The following CBLB variants were observed in gnomAD, a reference collection of about 807,000 sequenced individuals.
CBLB encodes the protein E3 ubiquitin-protein ligase CBL-B.
CBLB carries 31 observed loss-of-function variants against 104.9 expected under a neutral mutation model. That is an observed-to-expected ratio of 0.30 (90% confidence interval 0.22 to 0.40). CBLB has a LOEUF of 0.40. Among genes scored for constraint, CBLB ranks in the 10% least tolerant of loss-of-function variants. CBLB has a pLI of 1.00. For synonymous variants in CBLB, 440 were observed against 422.6 expected (o/e 1.04, Z -0.51); for missense variants, 1,062 against 1,214.6 (o/e 0.87, Z 1.87).
chr3:105,782,031 C>A (rs1466665636), intron 3 of CBLB, among the ~76,000 whole-genome samples: 1 of 152,150 alleles, frequency 6.6e-6, no homozygotes, highest in Non-Finnish European at 1.5e-5. Flanking sequence ...CAGAGACTTA[C>A]TTCACACTGT....
intron 10 of CBLB, among the ~76,000 whole-genome samples, 174 bp downstream of exon 10, chr3:105,719,873 T>C (rs1018338521): frequency 2.6e-5 from 4 of 152,076 alleles, no homozygotes; most frequent in African/African-American, 9.7e-5. Flanking sequence ...GGACAAGATG[T>C]GGAGGTAGAA....
intron 7 of CBLB, among the ~76,000 whole-genome samples, chr3:105,737,673 G>C (rs572654957): frequency 7.2e-5 from 11 of 152,144 alleles, no homozygotes; most frequent in African/African-American, 2.6e-4. Context: ...ATACCACATG[G>C]AAAGAAAAAT....
At chr3:105,820,906 T>C in intron 3 of CBLB, among the ~76,000 whole-genome samples, 1 of 152,150 alleles carries the variant, frequency 6.6e-6, no homozygotes, top group Non-Finnish European at 1.5e-5. Flanking sequence ...TTACTCAAAA[T>C]TTTAGTTTTA....
At chr3:105,662,067 G>T (rs16851417) in intron 18 of CBLB, among the ~76,000 whole-genome samples, 2 of 152,146 alleles carry the variant, frequency 1.3e-5, no homozygotes, top group Non-Finnish European at 2.9e-5. Context: ...GCAAGATCTG[G>T]TGCAACCTGA....
intron 7 of CBLB, among the ~76,000 whole-genome samples, chr3:105,740,163 G>A (rs565816935): frequency 6.6e-6 from 1 of 151,986 alleles, no homozygotes; most frequent in Non-Finnish European, 1.5e-5. Context: ...AGAAACAGAA[G>A]TCAATTATTC....
At chr3:105,844,577 G>A (rs985130507) in intron 3 of CBLB, among the ~76,000 whole-genome samples, 1 of 152,118 alleles carries the variant, frequency 6.6e-6, no homozygotes, top group African/African-American at 2.4e-5. Context: ...ATGAACCATT[G>A]ATGTATACAT....
intron 3 of CBLB, among the ~76,000 whole-genome samples, chr3:105,844,269 T>C (rs1577774253): frequency 6.6e-6 from 1 of 152,244 alleles, no homozygotes; most frequent in African/African-American, 2.4e-5. Flanking sequence ...CCTCCAGAAA[T>C]GTGAGAGAAT....
At chr3:105,859,742 G>A (rs527802305) in intron 2 of CBLB, among the ~76,000 whole-genome samples, 1 of 150,954 alleles carries the variant, frequency 6.6e-6, no homozygotes, top group Non-Finnish European at 1.5e-5. Context: ...GTGACCTAAA[G>A]TATATATATA....
At chr3:105,862,073 T>C (rs1189634559) in intron 2 of CBLB, among the ~76,000 whole-genome samples, 1 of 152,178 alleles carries the variant, frequency 6.6e-6, no homozygotes, top group African/African-American at 2.4e-5. Flanking sequence ...TCTTTCCTTC[T>C]CTGGTATTTA....
chr3:105,681,656 T>G, intron 15 of CBLB, 46 bp from the exon 16 acceptor site: 2 of 1,612,722 alleles, frequency 1.2e-6, no homozygotes, highest in Middle Eastern at 1.7e-4. Context: ...TACAATGGCA[T>G]GAAATTTTGC....
chr3:105,846,794 A>C (rs2090312960), intron 3 of CBLB, among the ~76,000 whole-genome samples: 1 of 152,138 alleles, frequency 6.6e-6, no homozygotes, highest in Admixed American at 6.6e-5. Context: ...CATTATAAAC[A>C]TGCCCATTAA....
Position 105,742,317 on chromosome 3 carries a change from A to G in CBLB, c.846-1686T>C, listed in dbSNP as rs540511524. ...ACTTGAAAGATATACTTTAACATAC[A>G]TAATGGCTGCAGTCACTGGATTTAA... On this transcript the variant is annotated intron_variant, in intron 6 of 18. Coordinates refer to ENST00000394030, the MANE Select transcript of CBLB (RefSeq NM_170662.5). 5.9e-5 allele frequency among the ~76,000 whole-genome samples: 9 copies of G among 152,382 alleles called. No homozygotes were observed. The South Asian group carries it at 1.9e-3, about 32-fold the overall frequency.
At chr3:105,784,861 T>C (rs1577166254) in intron 3 of CBLB, among the ~76,000 whole-genome samples, 2 of 152,196 alleles carry the variant, frequency 1.3e-5, no homozygotes, top group South Asian at 4.1e-4. Flanking sequence ...ACTACTTCTG[T>C]TTTCTCCCCA....
chr3:105,785,593 C>G (rs944644745), intron 3 of CBLB, among the ~76,000 whole-genome samples: 1 of 152,144 alleles, frequency 6.6e-6, no homozygotes, highest in African/African-American at 2.4e-5. Flanking sequence ...CCTGACAGTT[C>G]CTTCCTTCTT....
At chr3:105,674,823 T>C (rs2065424980) in intron 17 of CBLB, among the ~76,000 whole-genome samples, 1 of 152,178 alleles carries the variant, frequency 6.6e-6, no homozygotes, top group Admixed American at 6.6e-5. Context: ...TGTACAGCTG[T>C]AGGCATTACT....
chr3:105,754,554 AG>A (rs2076907341), intron 4 of CBLB, among the ~76,000 whole-genome samples: 2 of 149,972 alleles, frequency 1.3e-5, no homozygotes, highest in African/African-American at 5.0e-5. Context: ...AGAGAGAGAG[AG>A]AGAGAAAATA....
At chr3:105,803,056 A>G (rs905406390) in intron 3 of CBLB, among the ~76,000 whole-genome samples, 1 of 152,178 alleles carries the variant, frequency 6.6e-6, no homozygotes, top group East Asian at 1.9e-4. Flanking sequence ...TACACAGCCA[A>G]TATTAACAAG....
chr3:105,685,522 G>A (rs891956543), intron 13 of CBLB, 56 bp from the exon 14 acceptor site: 88 of 1,411,474 alleles, frequency 6.2e-5, no homozygotes, highest in Non-Finnish European at 7.8e-5. Context: ...AAACAGGCAA[G>A]TCTGATGTGA....
At chr3:105,856,348 C>CAAA (rs1169479720) in intron 2 of CBLB, among the ~76,000 whole-genome samples, 5 of 31,078 alleles carry the variant, frequency 1.6e-4, no homozygotes, top group Non-Finnish European at 1.3e-4. Flanking sequence ...GACTCCATCT[C>CAAA]AAAAAAAAAA....
Sources: allele counts gnomAD v4.1 joint callset (sites outside exome capture counted in the v4.1 genomes callset), GRCh38; gene constraint gnomAD v4.1.1; transcripts MANE v1.5; gene names NCBI Gene and HGNC (gene_info 2026-07-23, HGNC 2026-07-21).